CYTH2: variants seen among roughly 807,000 people sequenced by gnomAD.
The protein encoded by CYTH2 is cytohesin-2.
A neutral mutation model predicts 55.4 loss-of-function variants in CYTH2; 24 were observed. The observed-to-expected ratio is 0.43, with a 90% CI of 0.31 to 0.61. CYTH2 has a LOEUF of 0.61. CYTH2 is among the 20% of genes least tolerant of loss of function. The pLI, the probability that CYTH2 is intolerant of heterozygous loss-of-function variation, is 0.08. For missense variants in CYTH2, 378 were observed against 533.5 expected (o/e 0.71, Z 2.87); for synonymous variants, 221 against 209.6 (o/e 1.05, Z -0.47).
intron 4 of CYTH2, 190 bp downstream of exon 4, chr19:48,472,633 C>G (rs774169637): frequency 1.2e-4 from 80 of 641,886 alleles, no homozygotes; most frequent in Non-Finnish European, 2.1e-4. Context: ...TGCGGCCAAC[C>G]GAGAGCATCT....
chr19:48,477,930 T>G (rs1447640312), intron 8 of CYTH2, 139 bp from the exon 9 acceptor site: 2 of 631,314 alleles, frequency 3.2e-6, no homozygotes, highest in African/African-American at 3.7e-5. Flanking sequence ...CTTGTCTGTC[T>G]CCCCCAACGC....
chr19:48,472,587 C>G (rs1971825753), intron 4 of CYTH2, 144 bp downstream of exon 4: 1 of 760,130 alleles, frequency 1.3e-6, no homozygotes, highest in Non-Finnish European at 2.3e-6. Context: ...TCTGACTGGA[C>G]TGTGACAGAA....
Position 48,481,222 on chromosome 19 carries a change from G to C in CYTH2, c.*2012G>C, listed in dbSNP as rs1217386245. On this transcript the variant is annotated 3_prime_UTR_variant, in exon 12 of 12. Coordinates refer to ENST00000452733, the MANE Select transcript of CYTH2 (RefSeq NM_004228.7). ...AGGAGTCTTGAAAGAGGAGCCAAAAGGACTTGCTGAGAGCCGCCGCAGCTG... is the reference window on the plus strand; with the variant it reads ...AGGAGTCTTGAAAGAGGAGCCAAAACGACTTGCTGAGAGCCGCCGCAGCTG... 1 of 153,056 alleles carries C rather than the reference G, an allele frequency of 6.5e-6. No homozygotes were observed. The highest frequency in any genetic ancestry group is 2.4e-5 in the African/African-American group (1 of 41,464). The allele number at this position is 153,056 out of a possible 1,614,324, so 9.5% of individuals were successfully genotyped here.
intron 4 of CYTH2, 92 bp downstream of exon 4, chr19:48,472,535 G>T: frequency 3.0e-6 from 3 of 1,003,976 alleles, no homozygotes; most frequent in Non-Finnish European, 4.5e-6. Context: ...AGGTGGAACA[G>T]CCCTGCAGCC....
intron 4 of CYTH2, chr19:48,472,778 CTGGG>C (rs1971830398): frequency 2.6e-6 from 1 of 390,384 alleles, no homozygotes; most frequent in African/African-American, 2.1e-5. Context: ...TGCATAGGCA[CTGGG>C]TGGCCATCTG....
intron 4 of CYTH2, 36 bp downstream of exon 4, chr19:48,472,479 C>CAA: frequency 6.5e-7 from 1 of 1,537,544 alleles, no homozygotes; most frequent in Non-Finnish European, 8.9e-7. Context: ...GGGCCCCTCC[C>CAA]TCCCACCCCC....
At position 48,480,785 on chromosome 19, in the gene CYTH2, C is replaced by A. The variant is rs1045418572; in HGVS notation, c.*1575C>A. The A allele has an allele frequency of 6.6e-6, 1 of 152,212 alleles. No individual in the cohort carries two copies. The highest frequency in any genetic ancestry group is 1.5e-5 in the Non-Finnish European group (1 of 68,048). The allele number at this position is 152,212 out of a possible 1,614,324, so 9.4% of individuals were successfully genotyped here. ...AACGGAGTCATCGACCCAAGAAGGT[C>A]GTGGGAGATGAGGTCCCAGGGTAAA... On this transcript the variant is annotated 3_prime_UTR_variant, in exon 12 of 12. Transcript: ENST00000452733.
Position 48,474,961 on chromosome 19 carries a change from C to G in CYTH2, c.808+12C>G, listed in dbSNP as rs765948424. The G allele has an allele frequency of 6.2e-7, 1 of 1,612,332 alleles. No homozygotes were observed. The highest frequency in any genetic ancestry group is 8.5e-7 in the Non-Finnish European group (1 of 1,178,546). ...GCTCCTGAAGCTGGGTACGTGCCCT[C>G]CCGACCCCGCTGGTCCCTCCGCAGG... On this transcript the variant is annotated intron_variant, in intron 8 of 11. Coordinates refer to ENST00000452733, the MANE Select transcript of CYTH2 (RefSeq NM_004228.7). The surrounding 1 kb of genome is among the most constrained non-coding windows in gnomAD (Gnocchi z 4.9).
At chr19:48,469,607 G>C in intron 1 of CYTH2, 81 bp downstream of exon 1, 1 of 1,317,446 alleles carries the variant, frequency 7.6e-7, no homozygotes, top group Non-Finnish European at 9.7e-7. Context: ...GTTTCCCCCT[G>C]GCGCGCGGCG....
Position 48,469,370 on chromosome 19 carries a change from G to A in CYTH2, c.-138G>A. ...GGCGACGAAGGGAAGAGTCTTTTCA[G>A]CGCTGAGGACTGGCGCTGAGGAGGC... On this transcript the variant is annotated 5_prime_UTR_variant, in exon 1 of 12. Coordinates refer to ENST00000452733, the MANE Select transcript of CYTH2 (RefSeq NM_004228.7). 1 of 1,016,846 alleles carries A rather than the reference G, an allele frequency of 9.8e-7. No homozygotes were observed. Among genetic ancestry groups the A allele is most frequent in the Non-Finnish European group, 1.3e-6 (1 of 775,524 alleles). 63.0% of individuals were successfully genotyped at this position (1,016,846 alleles called of 1,614,324 possible).
chr19:48,473,334 G>A lies in CYTH2; in HGVS notation c.390G>A (p.Val130=), dbSNP rs367961674. Residue 130 remains valine (V), a synonymous_variant, in exon 5 of 12, where the codon GTG becomes GTA. Transcript: ENST00000452733. ...ACCTGGCAGTGCTCCATGCTTTTGT[G>A]GATCTGCATGAGTTCACCGACCTCA... ...ELNLAVLHAF[V]DLHEFTDLNL... is the part of the protein sequence containing the mutation. The A allele has an allele frequency of 9.9e-6, 16 of 1,614,000 alleles. No individual in the cohort carries two copies. In the African/African-American group the frequency reaches 2.0e-4, roughly 20 times the overall value.
At chr19:48,476,178 C>A in intron 8 of CYTH2, 1 of 302,258 alleles carries the variant, frequency 3.3e-6, no homozygotes. Context: ...GGGCCCACCC[C>A]TGTAATTTCA....
chr19:48,472,727 A>G, intron 4 of CYTH2: 1 of 460,704 alleles, frequency 2.2e-6, no homozygotes, highest in Non-Finnish European at 4.1e-6. Context: ...ACATCTCTCA[A>G]GGATCATGGG....
Position 48,474,410 on chromosome 19 carries a change from G to A in CYTH2, c.696+80G>A. The A allele has an allele frequency of 1.4e-6, 2 of 1,452,338 alleles. No individual in the cohort carries two copies. Among genetic ancestry groups the A allele is most frequent in the Non-Finnish European group, 1.8e-6 (2 of 1,090,270 alleles). 90.0% of individuals were successfully genotyped at this position (1,452,338 alleles called of 1,614,324 possible). A position where few individuals can be genotyped will look rare whatever the true frequency, so the allele number is the denominator to read the frequency against. ...CCCGCCCCACCTGTGGTCTCCTAGT[G>A]CCCAAGCTGTCTGCCCTCACCCCCA... On this transcript the variant is annotated intron_variant, in intron 7 of 11. Transcript: ENST00000452733. This position sits in a 1 kb window ranked among gnomAD's most constrained non-coding sequence, Gnocchi z 4.9.
At chr19:48,475,991 T>C (rs1971904469) in intron 8 of CYTH2, 2 of 519,020 alleles carry the variant, frequency 3.9e-6, no homozygotes, top group Non-Finnish European at 3.9e-6. Flanking sequence ...AGCTTTCAGC[T>C]CAGTGAAGGG....
At position 48,474,185 on chromosome 19, in the gene CYTH2, C is replaced by T; in HGVS notation, c.551C>T (p.Thr184Met). Reference sequence around the variant, plus strand: ...CCACCTGCCCTGTCCGGTGCAGACACGTGCTATGTGCTGTCCTTCGCCGTC... The same window carrying T: ...CCACCTGCCCTGTCCGGTGCAGACATGTGCTATGTGCTGTCCTTCGCCGTC... ...CNPGVFQSTD[T>M]CYVLSFAVIM... Residue 184 changes from threonine to methionine, a missense_variant, in exon 7 of 12, where the codon ACG (threonine) becomes ATG (methionine). Thr to Met is a moderately conservative substitution (Grantham distance 81). Transcript: ENST00000452733. The surrounding 1 kb of genome is among the most constrained non-coding windows in gnomAD (Gnocchi z 4.9). 7.5e-6 allele frequency: 12 copies of T among 1,593,790 alleles called. No homozygotes were observed. Among genetic ancestry groups the T allele is most frequent in the South Asian group, 1.1e-5 (1 of 87,408 alleles).
chr19:48,481,374 A>G lies in CYTH2; in HGVS notation c.*2164A>G, dbSNP rs1347388679. The G allele has an allele frequency of 6.5e-6, 1 of 153,978 alleles. No individual in the cohort carries two copies. The allele number at this position is 153,978 out of a possible 1,614,324, so 9.5% of individuals were successfully genotyped here. On this transcript the variant is annotated 3_prime_UTR_variant, in exon 12 of 12. Transcript: ENST00000452733. Reference sequence around the variant, plus strand: ...TTCCAGCCAGGCTGCATCACGTCACACTGACCTTCAGCATTGCCCACAGTC... The same window carrying G: ...TTCCAGCCAGGCTGCATCACGTCACGCTGACCTTCAGCATTGCCCACAGTC...
chr19:48,480,272 C>T lies in CYTH2; in HGVS notation c.*1062C>T, dbSNP rs977979279. On this transcript the variant is annotated 3_prime_UTR_variant, in exon 12 of 12. Transcript: ENST00000452733. ...TGCCCGCCTTTGAAGCTGAGGCGCT[C>T]TTTAGTTAACAAACTACAAGTCCCA... is the stretch of plus-strand genomic sequence containing the variant. The T allele has an allele frequency of 7.2e-5, 11 of 152,342 alleles. No homozygotes were observed. In the East Asian group the frequency reaches 2.1e-3, roughly 29 times the overall value. 9.4% of individuals were successfully genotyped at this position (152,342 alleles called of 1,614,324 possible).
Position 48,478,353 on chromosome 19 carries a change from C to G in CYTH2, c.957+7C>G. 1 of 1,614,098 alleles carries G rather than the reference C, an allele frequency of 6.2e-7. No individual in the cohort carries two copies. The highest frequency in any genetic ancestry group is 1.1e-5 in the South Asian group (1 of 91,084). ...GGACGACCCCCGGAAACCGGTAAGA[C>G]CCTCTCTGTACACCTTCCTGCCAGG... is the stretch of plus-strand genomic sequence containing the variant. On this transcript the variant is annotated splice_region_variant and intron_variant, in intron 10 of 11. Transcript: ENST00000452733.
Sources: gnomAD v4.1 joint callset for allele counts on GRCh38, gnomAD v4.1.1 for gene constraint, Gnocchi (gnomAD v3.1) non-coding constraint, MANE v1.5 for transcripts, NCBI Gene and HGNC (gene_info 2026-07-23, HGNC 2026-07-21) for gene names.